Variants in EML4 observed in about 807,000 individuals in gnomAD.
EML4 encodes EMAP like 4, also known as echinoderm microtubule-associated protein-like 4.
A neutral mutation model predicts 129.0 loss-of-function variants in EML4; 72 were observed. That is an observed-to-expected ratio of 0.56 (90% CI 0.46 to 0.68). The LOEUF is 0.68. Ranked by LOEUF, EML4 falls within the 30% of genes least tolerant of loss-of-function variation. The pLI is 0.00. For synonymous variants in EML4, 532 were observed against 405.0 expected (o/e 1.31, Z -3.77); for missense variants, 1,363 against 1,190.6 (o/e 1.14, Z -2.13).
intron 11 of EML4, chr2:42,288,671 A>G (rs1667447452): frequency 6.4e-6 from 1 of 155,638 alleles, no homozygotes; most frequent in Admixed American, 6.5e-5. Flanking sequence ...AAGCTTTAGA[A>G]ATCTAGAGGA....
At chr2:42,221,540 G>C (rs750280740) in intron 1 of EML4, among the ~76,000 whole-genome samples, 1 of 150,934 alleles carries the variant, frequency 6.6e-6, no homozygotes, top group African/African-American at 2.4e-5. Context: ...CTCCTGAGTA[G>C]CTGGGACTGT....
intron 1 of EML4, among the ~76,000 whole-genome samples, chr2:42,237,300 C>A (rs1674740012): frequency 6.6e-6 from 1 of 152,104 alleles, no homozygotes; most frequent in African/African-American, 2.4e-5. Flanking sequence ...GGATTACTTT[C>A]TCTCTTTATT....
At chr2:42,258,742 CAA>C (rs35828238) in intron 3 of EML4, among the ~76,000 whole-genome samples, 38,359 of 151,846 alleles carry the variant, frequency 0.25, 5,789 homozygotes, top group East Asian at 0.56. Flanking sequence ...AAATTGAACA[CAA>C]AGTAGATAGT....
At chr2:42,238,501 G>A (rs111512546) in intron 1 of EML4, among the ~76,000 whole-genome samples, 2,342 of 152,316 alleles carry the variant, frequency 0.015, 60 homozygotes, top group African/African-American at 0.054. Flanking sequence ...CCAGCACTTT[G>A]GGAGGCTGAG....
At chr2:42,174,998 G>T (rs2103801121) in intron 1 of EML4, among the ~76,000 whole-genome samples, 1 of 152,008 alleles carries the variant, frequency 6.6e-6, no homozygotes, top group East Asian at 1.9e-4. Context: ...TGTATTTTTA[G>T]TAGAGACGGG....
chr2:42,261,992 T>C (rs1454740512), intron 4 of EML4, among the ~76,000 whole-genome samples: 4 of 152,082 alleles, frequency 2.6e-5, no homozygotes, highest in Non-Finnish European at 5.9e-5. Context: ...TAATCAAATA[T>C]TGAGACCAAT....
chr2:42,300,234 C>T (rs2103705344), intron 13 of EML4, among the ~76,000 whole-genome samples: 1 of 152,312 alleles, frequency 6.6e-6, no homozygotes, highest in South Asian at 2.1e-4. Flanking sequence ...CCATTTTGAA[C>T]CTGGTAACTA....
chr2:42,207,623 G>A (rs1026691717), intron 1 of EML4, among the ~76,000 whole-genome samples: 1 of 152,094 alleles, frequency 6.6e-6, no homozygotes, highest in Non-Finnish European at 1.5e-5. Context: ...AACTTATGAG[G>A]GCCAGAGGAG....
At chr2:42,242,275 T>C (rs969383049) in intron 1 of EML4, among the ~76,000 whole-genome samples, 3 of 152,192 alleles carry the variant, frequency 2.0e-5, no homozygotes, top group Admixed American at 6.5e-5. Context: ...AGCTCATCTT[T>C]CATGAATTGA....
At chr2:42,328,630 C>A (rs1338092299) in intron 21 of EML4, among the ~76,000 whole-genome samples, 3 of 152,134 alleles carry the variant, frequency 2.0e-5, no homozygotes, top group Non-Finnish European at 4.4e-5. Context: ...CTGCTGGTTA[C>A]CATTGAGTAC....
intron 2 of EML4, among the ~76,000 whole-genome samples, chr2:42,254,607 A>G (rs1388458812): frequency 8.3e-6 from 1 of 120,964 alleles, no homozygotes; most frequent in Admixed American, 9.6e-5. Context: ...AACACTTAAT[A>G]CCCTCTTGAG....
chr2:42,221,678 A>G (rs566474519), intron 1 of EML4, among the ~76,000 whole-genome samples: 56 of 152,002 alleles, frequency 3.7e-4, no homozygotes, highest in African/African-American at 1.1e-3. Flanking sequence ...ATCTCGGCTC[A>G]TCACAGCCTC....
At chr2:42,271,489 T>C (rs927472755) in intron 6 of EML4, among the ~76,000 whole-genome samples, 3 of 152,198 alleles carry the variant, frequency 2.0e-5, no homozygotes, top group Non-Finnish European at 2.9e-5. Context: ...GATTAAAATA[T>C]GTTTGAAGGC....
chr2:42,289,278 A>G (rs1196260699), intron 11 of EML4: 1 of 152,176 alleles, frequency 6.6e-6, no homozygotes, highest in Non-Finnish European at 1.5e-5. Context: ...TCTTCATAGT[A>G]AGGTTTACCA....
chr2:42,315,348 T>A (rs903476316), intron 17 of EML4, among the ~76,000 whole-genome samples: 2 of 152,246 alleles, frequency 1.3e-5, no homozygotes, highest in African/African-American at 2.4e-5. Context: ...CCCAACTTAG[T>A]GTCTTCTTCA....
intron 11 of EML4, among the ~76,000 whole-genome samples, chr2:42,292,722 C>T (rs1039928150): frequency 6.6e-6 from 1 of 151,890 alleles, no homozygotes; most frequent in African/African-American, 2.4e-5. Flanking sequence ...CTTTATTGAG[C>T]TATGTACTTA....
chr2:42,282,728 C>A (rs1667079473), intron 7 of EML4, 95 bp from the exon 8 acceptor site: 3 of 1,112,110 alleles, frequency 2.7e-6, no homozygotes, highest in Non-Finnish European at 4.0e-6. Flanking sequence ...CAGTCTTCTT[C>A]ATTGTACCTT....
At chr2:42,239,536 G>A (rs1003214656) in intron 1 of EML4, among the ~76,000 whole-genome samples, 1 of 152,180 alleles carries the variant, frequency 6.6e-6, no homozygotes, top group African/African-American at 2.4e-5. Flanking sequence ...AAATAGATCA[G>A]ACTGATAGTG....
intron 14 of EML4, 129 bp from the exon 15 acceptor site, chr2:42,302,975 G>A: frequency 1.3e-6 from 1 of 750,320 alleles, no homozygotes; most frequent in South Asian, 1.8e-5. Context: ...AGTAGTATGA[G>A]ATTACCATAT....
Sources: allele counts gnomAD v4.1 joint callset (sites outside exome capture counted in the v4.1 genomes callset), GRCh38; gene constraint gnomAD v4.1.1; transcripts MANE v1.5; gene names NCBI Gene and HGNC (gene_info 2026-07-23, HGNC 2026-07-21).